The following ENTPD1 variants were observed in gnomAD, a reference collection of about 807,000 sequenced individuals.
The protein encoded by ENTPD1 is ectonucleoside triphosphate diphosphohydrolase 1, also known as ATP diphosphohydrolase.
In ENTPD1, 33 loss-of-function variants were observed where a neutral mutation model predicts 57.0. That is an observed-to-expected ratio of 0.58 (90% CI 0.44 to 0.77). The LOEUF is 0.77. Ranked by LOEUF, ENTPD1 falls within the 30% of genes least tolerant of loss-of-function variation. The pLI is 0.00. For missense variants in ENTPD1, 501 were observed against 603.4 expected (o/e 0.83, Z 1.78); for synonymous variants, 202 against 218.8 (o/e 0.92, Z 0.68).
At chr10:95,749,000 T>C (rs2098008982) in intron 1 of ENTPD1, among the ~76,000 whole-genome samples, 1 of 152,216 alleles carries the variant, frequency 6.6e-6, no homozygotes, top group Non-Finnish European at 1.5e-5. Flanking sequence ...CTTCAGAGGA[T>C]GTGATGTGTG....
intron 9 of ENTPD1, 25 bp from the exon 10 acceptor site, chr10:95,866,152 A>G: frequency 2.5e-6 from 4 of 1,606,346 alleles, no homozygotes; most frequent in South Asian, 2.2e-5. Flanking sequence ...TCCAACCACA[A>G]ACAGACTTTC....
Position 95,871,746 on chromosome 10 carries a change from A to G in ENTPD1, c.*5363A>G. On this transcript the variant is annotated 3_prime_UTR_variant, in exon 10 of 10. Transcript: ENST00000371205. The stretch of plus-strand genomic sequence containing the variant: ...ATGATCAGTGATGATGATCACCCTC[A>G]TCAGCACTAGAGTTGACTTGTTTTT... The G allele has an allele frequency of 1.0e-6, 1 of 985,392 alleles. No homozygotes were observed. The highest frequency in any genetic ancestry group is 1.2e-6 in the Non-Finnish European group (1 of 829,882). 61.0% of individuals were successfully genotyped at this position (985,392 alleles called of 1,614,324 possible). A position where few individuals can be genotyped will look rare whatever the true frequency, so the allele number is the denominator to read the frequency against.
intron 1 of ENTPD1, among the ~76,000 whole-genome samples, chr10:95,760,126 A>C (rs1022711051): frequency 6.6e-6 from 1 of 152,186 alleles, no homozygotes; most frequent in African/African-American, 2.4e-5. Flanking sequence ...GTGAATAACC[A>C]CTGCACTCCA....
chr10:95,711,512 T>C (rs754725031), upstream of ENTPD1, among the ~76,000 whole-genome samples: 2 of 152,216 alleles, frequency 1.3e-5, no homozygotes, highest in Non-Finnish European at 2.9e-5. Context: ...TTATTTTCAC[T>C]TTTTTTAGGG....
chr10:95,760,893 G>T (rs1432939062), intron 1 of ENTPD1, among the ~76,000 whole-genome samples: 1 of 132,224 alleles, frequency 7.6e-6, no homozygotes, highest in Non-Finnish European at 1.5e-5. Context: ...GCAGTGGCGC[G>T]ATCTCAGCTC....
the ENTPD1 span, among the ~76,000 whole-genome samples, chr10:95,705,926 C>T: frequency 6.6e-6 from 1 of 152,096 alleles, no homozygotes; most frequent in African/African-American, 2.4e-5. Flanking sequence ...AGTGAGACCT[C>T]GTCTCTATGA....
intron 1 of ENTPD1, among the ~76,000 whole-genome samples, chr10:95,812,553 G>C (rs1025960250): frequency 2.6e-5 from 4 of 152,160 alleles, no homozygotes; most frequent in African/African-American, 9.7e-5. Flanking sequence ...AAATATCTAG[G>C]TACATGTCTT....
At position 95,842,383 on chromosome 10, in the gene ENTPD1, T is replaced by A; in HGVS notation, c.302T>A (p.Ile101Lys). The change falls in exon 4 of 10, where the codon ATA becomes AAA. Residue 101 changes from isoleucine to lysine, a missense_variant. Coordinates refer to ENST00000371205, the MANE Select transcript of ENTPD1 (RefSeq NM_001776.6). ...AAATTTGTTCAGAAAGTAAATGAAA[T>A]AGGCATTTACCTGACTGATTGCATG... ...ISKFVQKVNE[I>K]GIYLTDCMER... The A allele has an allele frequency of 1.2e-6, 2 of 1,614,086 alleles. No homozygotes were observed. The highest frequency in any genetic ancestry group is 1.7e-6 in the Non-Finnish European group (2 of 1,179,950).
At chr10:95,710,396 C>G (rs549931274), upstream of ENTPD1, among the ~76,000 whole-genome samples, 1 of 151,876 alleles carries the variant, frequency 6.6e-6, no homozygotes, top group Admixed American at 6.6e-5. Context: ...CAGAGCCAGA[C>G]TGTTTTAAAA....
At chr10:95,741,942 G>T (rs2098000774) in intron 1 of ENTPD1, among the ~76,000 whole-genome samples, 1 of 152,176 alleles carries the variant, frequency 6.6e-6, no homozygotes, top group Non-Finnish European at 1.5e-5. Flanking sequence ...CCTGATTTTG[G>T]CATTACCTCA....
chr10:95,731,822 G>A (rs569513128), intron 1 of ENTPD1, among the ~76,000 whole-genome samples: 24 of 101,950 alleles, frequency 2.4e-4, no homozygotes, highest in African/African-American at 6.4e-4. Flanking sequence ...TTGCTCTGTC[G>A]CCCAGGCTGG....
intron 1 of ENTPD1, among the ~76,000 whole-genome samples, chr10:95,715,095 C>A (rs1025713156): frequency 1.3e-5 from 2 of 152,054 alleles, no homozygotes; most frequent in Non-Finnish European, 2.9e-5. Flanking sequence ...TCTTGTTATG[C>A]CTTTTTGATT....
rs563095634 is a variant in ENTPD1, at chr10:95,825,715, C to T, written c.144+2351C>T. ...GCCTCAGCCTCCCAAGTAGCTGGGA[C>T]TACAGGTGCCCGCCATCACGCCCGG... On this transcript the variant is annotated intron_variant, in intron 2 of 9. Coordinates refer to ENST00000371205, the MANE Select transcript of ENTPD1 (RefSeq NM_001776.6). Among the ~76,000 whole-genome samples, 8 of 152,130 alleles carry T rather than the reference C, an allele frequency of 5.3e-5. No homozygotes were observed. The East Asian group carries it at 1.2e-3, about 22-fold the overall frequency.
In ENTPD1 at chr10:95,877,005, A is replaced by G. The variant is rs1189242517; in HGVS notation, c.*10622A>G. Among the ~76,000 whole-genome samples the G allele has an allele frequency of 6.6e-6, 1 of 152,228 alleles. No homozygotes were observed. The highest frequency in any genetic ancestry group is 1.5e-5 in the Non-Finnish European group (1 of 68,032). ...CACCTTGCTGAATGACTAGAATGGAAGTAGGAGACATTTTGCAGGCCCCCT... is the reference window on the plus strand; with the variant it reads ...CACCTTGCTGAATGACTAGAATGGAGGTAGGAGACATTTTGCAGGCCCCCT... On this transcript the variant is annotated 3_prime_UTR_variant, in exon 10 of 10. Coordinates refer to ENST00000371205, the MANE Select transcript of ENTPD1 (RefSeq NM_001776.6).
chr10:95,823,838 G>A (rs2098363182), intron 2 of ENTPD1, among the ~76,000 whole-genome samples: 1 of 152,160 alleles, frequency 6.6e-6, no homozygotes, highest in Non-Finnish European at 1.5e-5. Flanking sequence ...GAGAAGACAT[G>A]TTTCTTATCT....
chr10:95,870,998 T>C lies in ENTPD1; in HGVS notation c.*4615T>C, dbSNP rs1004389145. The C allele has an allele frequency of 4.1e-6, 4 of 985,332 alleles. No homozygotes were observed. The highest frequency in any genetic ancestry group is 6.1e-5 in the Admixed American group (1 of 16,268). The allele number at this position is 985,332 out of a possible 1,614,324, so 61.0% of individuals were successfully genotyped here. On this transcript the variant is annotated 3_prime_UTR_variant, in exon 10 of 10. Coordinates refer to ENST00000371205, the MANE Select transcript of ENTPD1 (RefSeq NM_001776.6). ...AGTGGTTTCTAGGGATATGTTCTCA[T>C]GATGAACCCCGCAGAGGCTCGTGAA...
At chr10:95,733,837 G>A (rs1265234720) in intron 1 of ENTPD1, among the ~76,000 whole-genome samples, 1 of 152,110 alleles carries the variant, frequency 6.6e-6, no homozygotes, top group African/African-American at 2.4e-5. Context: ...GTCCTACCCT[G>A]GCTCATTGTC....
intron 1 of ENTPD1, among the ~76,000 whole-genome samples, chr10:95,776,660 C>T (rs113458946): frequency 4.7e-4 from 71 of 152,164 alleles, no homozygotes; most frequent in Middle Eastern, 3.4e-3. Context: ...TCTGTGTTTC[C>T]GGAATTTGAA....
At chr10:95,866,131 C>A (rs1293257574) in intron 9 of ENTPD1, 46 bp from the exon 10 acceptor site, 6 of 1,583,384 alleles carry the variant, frequency 3.8e-6, no homozygotes, top group Admixed American at 1.8e-5. Context: ...GGTGATAACT[C>A]TTCTAACTCC....
Sources: allele counts gnomAD v4.1 joint callset (sites outside exome capture counted in the v4.1 genomes callset), GRCh38; gene constraint gnomAD v4.1.1; transcripts MANE v1.5; gene names NCBI Gene and HGNC (gene_info 2026-07-23, HGNC 2026-07-21).